The following COA1 variants were observed in gnomAD, a reference collection of about 807,000 sequenced individuals.
The protein encoded by COA1 is cytochrome c oxidase assembly factor 1 homolog.
A neutral mutation model predicts 16.0 loss-of-function variants in COA1; 13 were observed. That is an observed-to-expected ratio of 0.81 (90% CI 0.53 to 1.29). The LOEUF is 1.29. Ranked by LOEUF, COA1 falls within the 50% of genes most tolerant of loss-of-function variation. COA1 has a pLI of 0.00. For missense variants in COA1, 179 were observed against 177.0 expected, an observed-to-expected ratio of 1.01 and a Z score of -0.06; for synonymous variants, 65 against 65.7, an observed-to-expected ratio of 0.99 and a Z score of 0.05.
rs143193085 is a variant in COA1 at position 43,683,613 on chromosome 7, G to A, written c.-38-34961C>T. Reference sequence around the variant, plus strand: ...TGCGCCACTGCACTCCAGCCTGGGCGACAGAGCGAGACTCTGTCTCAAAAA... The same window carrying A: ...TGCGCCACTGCACTCCAGCCTGGGCAACAGAGCGAGACTCTGTCTCAAAAA... On this transcript the variant is annotated intron_variant, in intron 1 of 5. Transcript: ENST00000223336. 1.8e-3 allele frequency among the ~76,000 whole-genome samples: 271 copies of A among 151,902 alleles called. 2 individuals carry two copies. The highest frequency in any genetic ancestry group is 0.013 in the East Asian group (67 of 5,172).
chr7:43,640,674 G>C, intron 4 of COA1, 25 bp from the exon 5 acceptor site: 1 of 1,495,062 alleles, frequency 6.7e-7, no homozygotes, highest in Non-Finnish European at 9.2e-7. Context: ...TGACAGAAAG[G>C]AGAGATGTAA....
At chr7:43,635,650 G>C (rs2085743106), downstream of COA1, among the ~76,000 whole-genome samples, 1 of 151,950 alleles carries the variant, frequency 6.6e-6, no homozygotes, top group South Asian at 2.1e-4. Flanking sequence ...AGAGCACTGA[G>C]AGGGAGAAGC....
chr7:43,706,989 G>A (rs1185914138), intron 1 of COA1, among the ~76,000 whole-genome samples: 1 of 152,088 alleles, frequency 6.6e-6, no homozygotes, highest in African/African-American at 2.4e-5. Context: ...TGGCCAACAT[G>A]GAGATGCCTA....
At chr7:43,688,064 T>C (rs2094120459) in intron 1 of COA1, among the ~76,000 whole-genome samples, 1 of 152,172 alleles carries the variant, frequency 6.6e-6, no homozygotes, top group African/African-American at 2.4e-5. Context: ...CATCACCATG[T>C]AAGAAGTGCC....
At chr7:43,693,283 C>A (rs1311572025) in intron 1 of COA1, among the ~76,000 whole-genome samples, 1 of 152,170 alleles carries the variant, frequency 6.6e-6, no homozygotes, top group African/African-American at 2.4e-5. Context: ...CCTAATCCAC[C>A]TTGTGGCAGG....
At chr7:43,681,543 T>C (rs955221888) in intron 1 of COA1, among the ~76,000 whole-genome samples, 2 of 152,200 alleles carry the variant, frequency 1.3e-5, no homozygotes, top group Non-Finnish European at 2.9e-5. Context: ...ATAGTCCCCA[T>C]GAAAATCATC....
chr7:43,635,809 A>G (rs554103791), downstream of COA1, among the ~76,000 whole-genome samples: 3 of 152,322 alleles, frequency 2.0e-5, no homozygotes, highest in African/African-American at 7.2e-5. Context: ...TTGGAAGTGA[A>G]AAATTACTTT....
chr7:43,686,276 TGTTCTGGCTATG>T (rs1331816428), intron 1 of COA1, among the ~76,000 whole-genome samples: 1 of 49,928 alleles, frequency 2.0e-5, no homozygotes, highest in African/African-American at 1.2e-4. Flanking sequence ...GGAGGTACTG[TGTTCTGGCTATG>T]TGTTCTGGCT....
In COA1 at chr7:43,645,416, C is replaced by T; in HGVS notation, c.116-17G>A. 6.2e-7 allele frequency: 1 copy of T among 1,612,620 alleles called. No homozygotes were observed. Among genetic ancestry groups the T allele is most frequent in the Non-Finnish European group, 8.5e-7 (1 of 1,178,832 alleles). On this transcript the variant is annotated splice_polypyrimidine_tract_variant and intron_variant, in intron 3 of 5. Coordinates refer to ENST00000223336, the MANE Select transcript of COA1 (RefSeq NM_018224.4). ...AATGAAACTCTAAGGACGAAAGACA[C>T]ACTTATTTTCTTTATTGAACTTGGT...
chr7:43,612,044 T>C (rs889845334), intron 6 of COA1, among the ~76,000 whole-genome samples: 2 of 152,208 alleles, frequency 1.3e-5, no homozygotes, highest in Non-Finnish European at 2.9e-5. Context: ...GGAAATTATA[T>C]CCCTTTCTCC....
chr7:43,640,647 C>T lies in COA1; in HGVS notation c.267G>A (p.Leu89=), dbSNP rs1167703102. 1.9e-6 allele frequency: 3 copies of T among 1,597,524 alleles called. No homozygotes were observed. Among genetic ancestry groups the T allele is most frequent in the Non-Finnish European group, 2.6e-6 (3 of 1,171,962 alleles). Residue 89 remains leucine, a splice_region_variant and synonymous_variant, in exon 5 of 6, where the codon TTG becomes TTA. Coordinates refer to ENST00000223336, the MANE Select transcript of COA1 (RefSeq NM_018224.4). ...ENFVDIVDAK[L]KIPVSGSKSE... ...ATTTGGATCCAGAGACAGGAATCTT[C>T]AACTGTGGGTGTAAAATGACAGAAA...
intron 1 of COA1, among the ~76,000 whole-genome samples, chr7:43,700,128 C>T (rs912867423): frequency 6.6e-6 from 1 of 152,034 alleles, no homozygotes; most frequent in Admixed American, 6.5e-5. Context: ...TGGAGCTTGT[C>T]CAAATTGGCC....
intron 1 of COA1, among the ~76,000 whole-genome samples, chr7:43,722,275 T>A (rs1449425155): frequency 1.3e-5 from 2 of 151,938 alleles, no homozygotes; most frequent in Non-Finnish European, 2.9e-5. Context: ...GTATTTTTAG[T>A]AGAGAGATGG....
At chr7:43,677,800 TAAAAAAAAA>T (rs11310207) in intron 1 of COA1, among the ~76,000 whole-genome samples, 46 of 116,786 alleles carry the variant, frequency 3.9e-4, no homozygotes, top group African/African-American at 1.4e-3. Flanking sequence ...GGCTCTGTCT[TAAAAAAAAA>T]AAAAAAAAAA....
At chr7:43,718,803 A>C (rs2095445485) in intron 1 of COA1, among the ~76,000 whole-genome samples, 1 of 152,122 alleles carries the variant, frequency 6.6e-6, no homozygotes, top group South Asian at 2.1e-4. Context: ...CCAACTCAGG[A>C]TTCATAAGTC....
intron 6 of COA1, among the ~76,000 whole-genome samples, chr7:43,611,650 A>G (rs371506394): frequency 1.5e-3 from 226 of 152,354 alleles, no homozygotes; most frequent in African/African-American, 5.0e-3. Flanking sequence ...TGGCCTCCGC[A>G]GTACGGACTT....
intron 1 of COA1, among the ~76,000 whole-genome samples, chr7:43,653,052 C>T (rs185952939): frequency 6.0e-4 from 91 of 152,318 alleles, no homozygotes; most frequent in African/African-American, 2.1e-3. Context: ...GTGGCTCACA[C>T]CTGTAATCCC....
intron 1 of COA1, among the ~76,000 whole-genome samples, chr7:43,652,073 C>G (rs1460264145): frequency 1.3e-5 from 2 of 152,172 alleles, no homozygotes; most frequent in Non-Finnish European, 2.9e-5. Context: ...AAGACCCAGG[C>G]AATGGTGGGT....
At chr7:43,657,000 G>C (rs2091817702) in intron 1 of COA1, among the ~76,000 whole-genome samples, 1 of 151,990 alleles carries the variant, frequency 6.6e-6, no homozygotes, top group Non-Finnish European at 1.5e-5. Flanking sequence ...TTCAAGACCA[G>C]CCTGGGCAAC....
Sources: gnomAD v4.1 joint callset for allele counts (sites outside exome capture counted in the v4.1 genomes callset) on GRCh38, gnomAD v4.1.1 for gene constraint, MANE v1.5 for transcripts, NCBI Gene and HGNC (gene_info 2026-07-23, HGNC 2026-07-21) for gene names.